Variants in GTF2IRD2B observed in about 807,000 individuals in gnomAD.
GTF2IRD2B encodes the protein GTF2I repeat domain containing 2B.
In GTF2IRD2B, 10 loss-of-function variants were observed where a neutral mutation model predicts 55.6. The ratio of observed to expected loss-of-function variants is 0.18; its 90% confidence interval spans 0.11 to 0.31. GTF2IRD2B has a LOEUF of 0.31. Among genes scored for constraint, GTF2IRD2B ranks in the 10% least tolerant of loss-of-function variants. GTF2IRD2B has a pLI of 1.00. For missense variants in GTF2IRD2B, 206 were observed against 802.7 expected, an observed-to-expected ratio of 0.26 and a Z score of 8.98; for synonymous variants, 107 against 320.5, an observed-to-expected ratio of 0.33 and a Z score of 7.12.
At chr7:75,114,795 C>G (rs1271976071) in intron 3 of GTF2IRD2B, among the ~76,000 whole-genome samples, 1 of 149,038 alleles carries the variant, frequency 6.7e-6, no homozygotes, top group Non-Finnish European at 1.5e-5. Flanking sequence ...GCAGGTTTTT[C>G]GTTTTTGTTT....
intron 15 of GTF2IRD2B, among the ~76,000 whole-genome samples, chr7:75,145,811 C>T (rs1231563454): frequency 1.5e-5 from 2 of 134,404 alleles, no homozygotes; most frequent in Admixed American, 7.5e-5. Flanking sequence ...CATCTGATTG[C>T]TAAATGATTT....
chr7:75,102,980 C>T (rs587636330), intron 1 of GTF2IRD2B, among the ~76,000 whole-genome samples: 302 of 140,446 alleles, frequency 2.2e-3, no homozygotes, highest in African/African-American at 4.1e-3. Context: ...ACAATACATA[C>T]ATATATATAA....
chr7:75,105,147 G>A (rs1254197207), intron 1 of GTF2IRD2B, among the ~76,000 whole-genome samples: 1 of 152,270 alleles, frequency 6.6e-6, no homozygotes, highest in African/African-American at 2.4e-5. Flanking sequence ...ACTGAACTGT[G>A]GTAACACTCC....
At chr7:75,121,766 CTTT>C (rs200715781) in intron 4 of GTF2IRD2B, among the ~76,000 whole-genome samples, 2 of 133,754 alleles carry the variant, frequency 1.5e-5, no homozygotes, top group Admixed American at 7.5e-5. Context: ...GCCACCAGTT[CTTT>C]TTTTTTTTTG....
chr7:75,116,640 CTTTTTT>C (rs782017384), intron 3 of GTF2IRD2B, among the ~76,000 whole-genome samples: 8 of 118,350 alleles, frequency 6.8e-5, no homozygotes, highest in Non-Finnish European at 1.0e-4. Context: ...TTTGCCATTT[CTTTTTT>C]TTTTTTTTTT....
At chr7:75,104,584 T>TC (rs1446627782) in intron 1 of GTF2IRD2B, among the ~76,000 whole-genome samples, 5 of 152,188 alleles carry the variant, frequency 3.3e-5, no homozygotes, top group African/African-American at 1.2e-4. Flanking sequence ...CCCTTTTCTC[T>TC]CCCGGGGATG....
chr7:75,127,027 A>C lies in GTF2IRD2B; in HGVS notation c.670+642A>C, dbSNP rs587650691. On this transcript the variant is annotated intron_variant, in intron 8 of 15. Coordinates refer to ENST00000472837, the MANE Select transcript of GTF2IRD2B (RefSeq NM_001003795.3). ...AAAACAAAAACAAAAACAAAAACAA[A>C]AAAAACAAAAAAAAGAACCAAGTAT... Among the ~76,000 whole-genome samples, 27 of 150,178 alleles carry C rather than the reference A, an allele frequency of 1.8e-4. 2 individuals are homozygous for C. In the South Asian group the frequency reaches 3.3e-3, roughly 19 times the overall value.
chr7:75,134,831 T>C lies in GTF2IRD2B; in HGVS notation c.749-170T>C, dbSNP rs587687557. Among the ~76,000 whole-genome samples, 3 of 148,338 alleles carry C rather than the reference T, an allele frequency of 2.0e-5. No homozygotes were observed. In the South Asian group the frequency reaches 6.2e-4, roughly 31 times the overall value. On this transcript the variant is annotated intron_variant, in intron 9 of 15. Transcript: ENST00000472837. ...ATCTGCCCGCCTCCACCTCCCAGAG[T>C]GCTGAGATTACAGGCGTGAGTTACC...
Position 75,149,456 on chromosome 7 carries a change from C to G in GTF2IRD2B, c.*159C>G. On this transcript the variant is annotated 3_prime_UTR_variant, in exon 16 of 16. Coordinates refer to ENST00000472837, the MANE Select transcript of GTF2IRD2B (RefSeq NM_001003795.3). ...AGTGCAGTGGCGTGATCTCGGCTTA[C>G]TGCAACTTCCAGCTCCTGGGTTCGA... 1.7e-6 allele frequency: 1 copy of G among 600,236 alleles called. No individual in the cohort carries two copies. The highest frequency in any genetic ancestry group is 3.0e-6 in the Non-Finnish European group (1 of 334,886). The allele number at this position is 600,236 out of a possible 1,614,324, so 37.2% of individuals were successfully genotyped here. A position where few individuals can be genotyped will look rare whatever the true frequency, so the allele number is the denominator to read the frequency against.
chr7:75,134,884 T>C (rs1554453357), intron 9 of GTF2IRD2B, 117 bp from the exon 10 acceptor site: 1 of 1,483,754 alleles, frequency 6.7e-7, no homozygotes, highest in Non-Finnish European at 9.1e-7. Context: ...TTTCAAGGGG[T>C]AGAAGTATTT....
At chr7:75,126,861 G>T (rs2655938) in intron 8 of GTF2IRD2B, among the ~76,000 whole-genome samples, 16 of 150,572 alleles carry the variant, frequency 1.1e-4, no homozygotes, top group East Asian at 7.8e-4. Context: ...GCTGGGCATG[G>T]TCGTGTGCGC....
At chr7:75,130,141 CTT>C (rs1491263239) in intron 8 of GTF2IRD2B, among the ~76,000 whole-genome samples, 6 of 107,748 alleles carry the variant, frequency 5.6e-5, no homozygotes, top group African/African-American at 2.0e-4. Context: ...TTCTTTCTTT[CTT>C]TCTTTCCTTC....
At chr7:75,105,786 A>G (rs1584526016) in intron 1 of GTF2IRD2B, among the ~76,000 whole-genome samples, 3 of 152,426 alleles carry the variant, frequency 2.0e-5, no homozygotes, top group African/African-American at 7.2e-5. Context: ...AAACGACACC[A>G]GACTTTGGAG....
At chr7:75,140,527 CTTTTTTTTTT>C (rs1171281832) in intron 12 of GTF2IRD2B, among the ~76,000 whole-genome samples, 6 of 86,182 alleles carry the variant, frequency 7.0e-5, no homozygotes, top group East Asian at 3.2e-4. Context: ...ACATCCTTGT[CTTTTTTTTTT>C]TTTTTTTTTT....
At chr7:75,136,262 G>T (rs1285795463) in intron 10 of GTF2IRD2B, among the ~76,000 whole-genome samples, 2 of 140,420 alleles carry the variant, frequency 1.4e-5, no homozygotes, top group Non-Finnish European at 3.0e-5. Context: ...ATCTGCCTTA[G>T]AGAGATAGTG....
chr7:75,132,858 C>T (rs1808711751), intron 8 of GTF2IRD2B, among the ~76,000 whole-genome samples: 2 of 148,560 alleles, frequency 1.3e-5, no homozygotes, highest in South Asian at 4.1e-4. Flanking sequence ...CGGTCCCCTC[C>T]TTCCTTCTTT....
rs587598930 is a variant in GTF2IRD2B, at chr7:75,102,993, T to C, written c.-5-5967T>C. Among the ~76,000 whole-genome samples, 4 of 148,194 alleles carry C rather than the reference T, an allele frequency of 2.7e-5. No homozygotes were observed. The East Asian group carries it at 8.0e-4, about 30-fold the overall frequency. On this transcript the variant is annotated intron_variant, in intron 1 of 15. Coordinates refer to ENST00000472837, the MANE Select transcript of GTF2IRD2B (RefSeq NM_001003795.3). ...AAACAATACATACATATATATAAAA[T>C]AAGGCTGGGCATGGTGGCTCACGCC...
At chr7:75,093,102 T>A (rs1554448693) in intron 1 of GTF2IRD2B, among the ~76,000 whole-genome samples, 1 of 40,426 alleles carries the variant, frequency 2.5e-5, no homozygotes, top group African/African-American at 4.1e-5. Flanking sequence ...TCGCGCTGCG[T>A]GCAGACGCGC....
At position 75,112,541 on chromosome 7, in the gene GTF2IRD2B, T is replaced by G; in HGVS notation, c.238+6T>G. 1 of 1,002,132 alleles carries G rather than the reference T, an allele frequency of 1.0e-6. No homozygotes were observed. The highest frequency in any genetic ancestry group is 2.8e-5 in the African/African-American group (1 of 35,784). The allele number at this position is 1,002,132 out of a possible 1,614,324, so 62.1% of individuals were successfully genotyped here. Reference sequence around the variant, plus strand: ...GAAAGATTTTGCAAAATACTGTAGGTGTTTTAATTTTATCCTTTGTATTCC... The same window carrying G: ...GAAAGATTTTGCAAAATACTGTAGGGGTTTTAATTTTATCCTTTGTATTCC... On this transcript the variant is annotated splice_donor_region_variant and intron_variant, in intron 3 of 15. Transcript: ENST00000472837.
Sources: allele counts gnomAD v4.1 joint callset (sites outside exome capture counted in the v4.1 genomes callset), GRCh38; gene constraint gnomAD v4.1.1; transcripts MANE v1.5; gene names NCBI Gene and HGNC (gene_info 2026-07-23, HGNC 2026-07-21).